MAST2: variants seen among roughly 807,000 people sequenced by gnomAD.
MAST2 encodes the protein microtubule-associated serine/threonine-protein kinase 2.
A neutral mutation model predicts 147.4 loss-of-function variants in MAST2; 70 were observed. The ratio of observed to expected loss-of-function variants is 0.47; its 90% CI spans 0.39 to 0.58. The LOEUF is 0.58. Among genes scored for constraint, MAST2 ranks in the 20% least tolerant of loss-of-function variants. The pLI is 0.00. For missense variants in MAST2, 2,080 were observed against 2,302.3 expected (o/e 0.90, Z 1.98); for synonymous variants, 869 against 896.8 (o/e 0.97, Z 0.55).
rs781026729 is a variant in MAST2 at position 46,033,835 on chromosome 1, C to G, written c.3571C>G (p.Leu1191Val). The G allele has an allele frequency of 1.5e-5, 24 of 1,614,186 alleles. No homozygotes were observed. Among genetic ancestry groups the G allele is most frequent in the Non-Finnish European group, 2.0e-5 (24 of 1,180,022 alleles). ...GNKVAISTTP[L>V]ENTSIKVGPA... ...CAAGGTGGCCATTTCAACAACTCCC[C>G]TGGAGAACACATCCATTAAAGTGGG... Residue 1191 changes from leucine to valine, a missense_variant, in exon 27 of 29, where the codon CTG becomes GTG. Around this residue, in one of 4 missense-constraint regions of MAST2, gnomAD observed 1,278 missense variants for 1,304.2 expected, o/e 0.98. Transcript: ENST00000361297.
intron 5 of MAST2, among the ~76,000 whole-genome samples, chr1:45,982,753 T>A (rs1644461308): frequency 6.6e-6 from 1 of 152,232 alleles, no homozygotes; most frequent in African/African-American, 2.4e-5. Context: ...CAGCCAGATA[T>A]GCTGGTGGTC....
chr1:45,923,286 C>T (rs1653830006), intron 4 of MAST2, among the ~76,000 whole-genome samples: 1 of 152,160 alleles, frequency 6.6e-6, no homozygotes, highest in South Asian at 2.1e-4. Flanking sequence ...GCGTCTGCAC[C>T]GGAAGACCCG....
rs56032969 is a variant in MAST2 at position 45,886,313 on chromosome 1, TACACACACACAC to T, written c.500+3942_500+3953del. Among the ~76,000 whole-genome samples, 37 of 145,588 alleles carry T rather than the reference TACACACACACAC, an allele frequency of 2.5e-4. No individual in the cohort carries two copies. In the East Asian group the frequency reaches 3.2e-3, roughly 13 times the overall value. On this transcript the variant is annotated intron_variant, in intron 4 of 28. Transcript: ENST00000361297. ...ACATATTTATATATGTATCTATAAG[TACACACACACAC>T]ACACACACACACACACACACACATT...
intron 1 of MAST2, among the ~76,000 whole-genome samples, chr1:45,813,973 T>G (rs1319480793): frequency 6.6e-6 from 1 of 152,084 alleles, no homozygotes; most frequent in East Asian, 1.9e-4. Context: ...TATAACAGAG[T>G]TGAAAAATTT....
chr1:45,832,710 G>T (rs769028776), intron 3 of MAST2, among the ~76,000 whole-genome samples: 9 of 151,970 alleles, frequency 5.9e-5, no homozygotes, highest in Non-Finnish European at 1.3e-4. Context: ...AGGGATTCCC[G>T]GACTGAGGTT....
chr1:45,930,326 G>A (rs12239915), intron 4 of MAST2, among the ~76,000 whole-genome samples: 5,567 of 152,048 alleles, frequency 0.037, 343 homozygotes, highest in African/African-American at 0.13. Flanking sequence ...TGATCTACCC[G>A]CCTTGGCCTC....
chr1:45,849,163 C>A (rs1425483895), intron 3 of MAST2, among the ~76,000 whole-genome samples: 2 of 152,202 alleles, frequency 1.3e-5, no homozygotes, highest in South Asian at 2.1e-4. Context: ...CTGCCTAAAG[C>A]AGTTTACAGA....
At chr1:45,873,179 T>G (rs1646466981) in intron 3 of MAST2, among the ~76,000 whole-genome samples, 1 of 147,850 alleles carries the variant, frequency 6.8e-6, no homozygotes, top group Admixed American at 6.8e-5. Context: ...AAATGCAGTT[T>G]CTTCTTCCTA....
chr1:45,922,079 G>A (rs1251311384), intron 4 of MAST2, among the ~76,000 whole-genome samples: 5 of 152,166 alleles, frequency 3.3e-5, no homozygotes, highest in Non-Finnish European at 7.3e-5. Flanking sequence ...TGGAGTGGGT[G>A]GCTCCTTTCT....
chr1:46,013,898 A>G (rs1253767972), intron 10 of MAST2, among the ~76,000 whole-genome samples: 1 of 152,156 alleles, frequency 6.6e-6, no homozygotes, highest in African/African-American at 2.4e-5. Flanking sequence ...AAAAGAATAA[A>G]TGGGATTTCA....
At chr1:45,945,095 T>G (rs1354929553) in intron 4 of MAST2, among the ~76,000 whole-genome samples, 2 of 152,118 alleles carry the variant, frequency 1.3e-5, no homozygotes, top group African/African-American at 4.8e-5. Flanking sequence ...AGCCCAGCAG[T>G]TCATAACCAG....
intron 3 of MAST2, among the ~76,000 whole-genome samples, chr1:45,833,122 T>C (rs1407972159): frequency 6.6e-6 from 1 of 152,228 alleles, no homozygotes; most frequent in Admixed American, 6.5e-5. Context: ...ATGTGTTCCT[T>C]TTTGTTGCCG....
intron 5 of MAST2, among the ~76,000 whole-genome samples, chr1:45,962,230 T>C (rs1660527843): frequency 1.3e-5 from 2 of 152,228 alleles, no homozygotes; most frequent in Admixed American, 1.3e-4. Flanking sequence ...GCAATAAACA[T>C]ACAAGTACAT....
intron 3 of MAST2, among the ~76,000 whole-genome samples, chr1:45,869,282 T>TA (rs1281256412): frequency 6.6e-6 from 1 of 152,220 alleles, no homozygotes; most frequent in Non-Finnish European, 1.5e-5. Flanking sequence ...CTCAGATCTT[T>TA]AGAGTTCCTT....
intron 4 of MAST2, among the ~76,000 whole-genome samples, chr1:45,947,742 A>G (rs1438040170): frequency 1.3e-5 from 2 of 152,186 alleles, no homozygotes; most frequent in Non-Finnish European, 1.5e-5. Flanking sequence ...TTTGAGACGG[A>G]GTCTCGCTCT....
chr1:45,877,856 T>C (rs1328794463), intron 3 of MAST2, among the ~76,000 whole-genome samples: 4 of 152,094 alleles, frequency 2.6e-5, no homozygotes, highest in Non-Finnish European at 4.4e-5. Flanking sequence ...TGAAAATAGG[T>C]GCAAAAATCA....
intron 1 of MAST2, 53 bp from the exon 2 acceptor site, chr1:45,824,380 A>G (rs1644727864): frequency 2.9e-6 from 4 of 1,396,120 alleles, no homozygotes; most frequent in Middle Eastern, 1.9e-4. Flanking sequence ...TAAAGTTTTT[A>G]TACTTCAGAG....
chr1:45,850,672 C>G (rs1050372902), intron 3 of MAST2, among the ~76,000 whole-genome samples: 2 of 152,006 alleles, frequency 1.3e-5, no homozygotes, highest in South Asian at 4.2e-4. Flanking sequence ...TCTGCATGTG[C>G]CTAGCCAGCT....
At chr1:45,881,909 G>A (rs1055912639) in intron 3 of MAST2, among the ~76,000 whole-genome samples, 2 of 149,480 alleles carry the variant, frequency 1.3e-5, no homozygotes, top group Non-Finnish European at 3.0e-5. Context: ...GGGCATGGTG[G>A]CTCACACCTG....
Sources: gnomAD v4.1 joint callset for allele counts (sites outside exome capture counted in the v4.1 genomes callset) on GRCh38, gnomAD v4.1.1 for gene constraint, gnomAD v4.1.1 regional missense constraint, MANE v1.5 for transcripts, NCBI Gene and HGNC (gene_info 2026-07-23, HGNC 2026-07-21) for gene names.